ADH7: variants seen among roughly 807,000 people sequenced by gnomAD.
ADH7 encodes alcohol dehydrogenase 7 (class IV), mu or sigma polypeptide.
ADH7 carries 41 observed loss-of-function variants against 34.4 expected under a neutral mutation model. The observed-to-expected ratio is 1.19, with a 90% CI of 0.93 to 1.55. The LOEUF (loss-of-function observed/expected upper bound fraction) is 1.55, where lower values mean the gene tolerates loss of function less well. Ranked by LOEUF, ADH7 falls within the 40% of genes most tolerant of loss-of-function variation. ADH7 has a pLI of 0.00. For synonymous variants in ADH7, 180 were observed against 160.9 expected (o/e 1.12, Z -0.90); for missense variants, 540 against 461.2 (o/e 1.17, Z -1.56).
At chr4:99,414,448 C>T (rs776415746) in intron 8 of ADH7, among the ~76,000 whole-genome samples, 32 of 152,264 alleles carry the variant, frequency 2.1e-4, no homozygotes, top group Non-Finnish European at 4.6e-4. Flanking sequence ...GTCATTTCAT[C>T]TTGTAGACAG....
At chr4:99,418,505 TA>T (rs1275614017) in intron 7 of ADH7, among the ~76,000 whole-genome samples, 1 of 152,160 alleles carries the variant, frequency 6.6e-6, no homozygotes, top group Non-Finnish European at 1.5e-5. Flanking sequence ...AAAACAATAT[TA>T]ATTGTTGAGT....
At position 99,415,513 on chromosome 4, in the gene ADH7, G is replaced by T. The variant is rs1407881315; in HGVS notation, c.1065C>A (p.Ile355=). The change falls in exon 8 of 9, where the codon ATC becomes ATA. Residue 355 remains isoleucine, a synonymous_variant. Transcript: ENST00000437033. ...AATTGAGCAGCTCAAATCCTTCACTGATTTTTTTAAATGGTAAAACATGAG... is the reference window on the plus strand; with the variant it reads ...AATTGAGCAGCTCAAATCCTTCACTTATTTTTTTAAATGGTAAAACATGAG... ...LITHVLPFKK[I]SEGFELLNSG... 3 of 1,613,234 alleles carry T rather than the reference G, an allele frequency of 1.9e-6. No individual in the cohort carries two copies. In the East Asian group the frequency reaches 6.7e-5, roughly 36 times the overall value.
At position 99,426,061 on chromosome 4, in the gene ADH7, T is replaced by C. The variant is rs894586519; in HGVS notation, c.564+1712A>G. Among the ~76,000 whole-genome samples, 6 of 152,102 alleles carry C rather than the reference T, an allele frequency of 3.9e-5. 1 individual carries two copies. Among genetic ancestry groups the C allele is most frequent in the Admixed American group, 3.9e-4 (6 of 15,266 alleles). ...AATCTCTGGGACACATTCAAAGCAG[T>C]GTGTAGAGAGAAATTTACAGCACTA... On this transcript the variant is annotated intron_variant, in intron 5 of 8. Transcript: ENST00000437033.
At chr4:99,415,260 G>A (rs1378210449) in intron 8 of ADH7, 1 of 504,788 alleles carries the variant, frequency 2.0e-6, no homozygotes, top group Non-Finnish European at 3.5e-6. Context: ...AATTGAATCT[G>A]TTTGCTTTAT....
intron 5 of ADH7, 125 bp downstream of exon 5, chr4:99,427,648 G>T (rs2110139102): frequency 1.7e-6 from 1 of 605,900 alleles, no homozygotes; most frequent in Non-Finnish European, 2.5e-6. Context: ...GTGTTGCTTG[G>T]CAGCCTGAAT....
chr4:99,413,058 T>C lies in ADH7; in HGVS notation c.*90A>G. 5 of 1,327,596 alleles carry C rather than the reference T, an allele frequency of 3.8e-6. No individual in the cohort carries two copies. In the Admixed American group the frequency reaches 5.4e-5, roughly 14 times the overall value. 82.2% of individuals were successfully genotyped at this position (1,327,596 alleles called of 1,614,324 possible). On this transcript the variant is annotated 3_prime_UTR_variant, in exon 9 of 9. Transcript: ENST00000437033. ...AATCTTCTACTTATGCTTGTATTTG[T>C]GAGACAGATACATGATTTCAGATGA...
intron 1 of ADH7, among the ~76,000 whole-genome samples, chr4:99,432,115 G>T (rs1359341041): frequency 3.4e-4 from 52 of 152,106 alleles, no homozygotes; most frequent in Non-Finnish European, 7.4e-5. Context: ...GTACATATTT[G>T]CCACAGAATA....
intron 8 of ADH7, 39 bp downstream of exon 8, chr4:99,415,439 C>A: frequency 6.3e-7 from 1 of 1,591,168 alleles, no homozygotes; most frequent in African/African-American, 1.4e-5. Flanking sequence ...TAAAAGTAGC[C>A]TGTGGAGAAG....
rs1382358611 is a variant in ADH7 at position 99,420,656 on chromosome 4, A to C, written c.702T>G (p.Ala234=). The stretch of plus-strand genomic sequence containing the variant: ...GACTGATACACTCAGTGGCACCTAC[A>C]GCCATGGCCTTCTCAAATTTGTCTT... ...LNKDKFEKAM[A]VGATECISPK... Residue 234 remains alanine (A), a synonymous_variant, in exon 6 of 9, where the codon GCT becomes GCG. Transcript: ENST00000437033. 1 of 1,613,938 alleles carries C rather than the reference A, an allele frequency of 6.2e-7. No individual in the cohort carries two copies. Among genetic ancestry groups the C allele is most frequent in the Admixed American group, 1.7e-5 (1 of 59,958 alleles).
At chr4:99,415,888 C>T (rs917661239) in intron 7 of ADH7, 9 of 218,746 alleles carry the variant, frequency 4.1e-5, no homozygotes, top group East Asian at 1.1e-4. Context: ...AACCAAACAC[C>T]GCACGTTCTC....
rs951649951 is a variant in ADH7 at position 99,420,533 on chromosome 4, C to G, written c.825G>C (p.Met275Ile). Residue 275 changes from methionine to isoleucine, a missense_variant and splice_region_variant, in exon 6 of 9, where the codon ATG (methionine) becomes ATC (isoleucine). Physicochemically the swap from Met to Ile is conservative, Grantham distance 10 (BLOSUM62 1). Coordinates refer to ENST00000437033, the MANE Select transcript of ADH7 (RefSeq NM_000673.7). ...TGGCTTCTCAAATTTTGGGTCTTAC[C>G]ATGGTTTCAAGATGCCCAATAACTT... ...TFEVIGHLET[M>I]IDALASCHMN... is the part of the protein sequence containing the mutation. 1.2e-6 allele frequency: 2 copies of G among 1,611,364 alleles called. No homozygotes were observed. The highest frequency in any genetic ancestry group is 1.7e-6 in the Non-Finnish European group (2 of 1,178,040).
At position 99,413,648 on chromosome 4, in the gene ADH7, T is replaced by A. The variant is rs545579778; in HGVS notation, c.1101-476A>T. Among the ~76,000 whole-genome samples the A allele has an allele frequency of 3.3e-5, 5 of 152,296 alleles. No individual in the cohort carries two copies. In the South Asian group the frequency reaches 1.0e-3, roughly 32 times the overall value. ...AGGCTTTCAAAACCATGCTAAGACA[T>A]TGGCATTTTGGCAAAACTTGAGCTT... is the stretch of plus-strand genomic sequence containing the variant. On this transcript the variant is annotated intron_variant, in intron 8 of 8. Coordinates refer to ENST00000437033, the MANE Select transcript of ADH7 (RefSeq NM_000673.7).
intron 1 of ADH7, among the ~76,000 whole-genome samples, chr4:99,434,166 A>T (rs1474973183): frequency 6.6e-6 from 1 of 152,194 alleles, no homozygotes; most frequent in Admixed American, 6.5e-5. Flanking sequence ...GACTTCCTAG[A>T]AATAGTGTAA....
chr4:99,413,891 A>G (rs1721461173), intron 8 of ADH7, among the ~76,000 whole-genome samples: 1 of 152,338 alleles, frequency 6.6e-6, no homozygotes, highest in Admixed American at 6.5e-5. Context: ...GAAGTCAGAC[A>G]TGATGCTATG....
rs186813267 is a variant in ADH7, at chr4:99,431,198, A to C, written c.19-1565T>G. Reference sequence around the variant, plus strand: ...AACTTTTATGCTTAAGAGTGATAGAAAAAATAACAAAGGACAAGCCATGGG... The same window carrying C: ...AACTTTTATGCTTAAGAGTGATAGACAAAATAACAAAGGACAAGCCATGGG... On this transcript the variant is annotated intron_variant, in intron 1 of 8. Coordinates refer to ENST00000437033, the MANE Select transcript of ADH7 (RefSeq NM_000673.7). Among the ~76,000 whole-genome samples the C allele has an allele frequency of 5.9e-5, 9 of 152,306 alleles. No individual in the cohort carries two copies. In the East Asian group the frequency reaches 1.7e-3, roughly 29 times the overall value.
intron 7 of ADH7, 131 bp downstream of exon 7, chr4:99,418,855 G>C: frequency 2.8e-6 from 3 of 1,068,206 alleles, no homozygotes; most frequent in Non-Finnish European, 4.0e-6. Flanking sequence ...GTGTTATTAT[G>C]ATCACAGTTC....
chr4:99,423,452 C>T (rs915983777), intron 5 of ADH7, among the ~76,000 whole-genome samples: 40 of 151,802 alleles, frequency 2.6e-4, no homozygotes, highest in African/African-American at 9.2e-4. Flanking sequence ...GGAATCGCCA[C>T]ACTGACTTCC....
chr4:99,414,909 T>A (rs1651987107), intron 8 of ADH7, among the ~76,000 whole-genome samples: 1 of 152,178 alleles, frequency 6.6e-6, no homozygotes, highest in African/African-American at 2.4e-5. Context: ...CAAAAGATTT[T>A]AAAAAATTGA....
chr4:99,430,913 C>T (rs1403930974), intron 1 of ADH7, among the ~76,000 whole-genome samples: 3 of 152,132 alleles, frequency 2.0e-5, no homozygotes, highest in African/African-American at 7.2e-5. Flanking sequence ...TCCCCTGCCT[C>T]AGCCACCCGA....
Sources: allele counts gnomAD v4.1 joint callset (sites outside exome capture counted in the v4.1 genomes callset), GRCh38; gene constraint gnomAD v4.1.1; transcripts MANE v1.5; gene names NCBI Gene and HGNC (gene_info 2026-07-23, HGNC 2026-07-21).